TTC29: variants seen among roughly 807,000 people sequenced by gnomAD.
TTC29 encodes tetratricopeptide repeat domain 29, also known as tetratricopeptide repeat protein 29.
A neutral mutation model predicts 58.1 loss-of-function variants in TTC29; 49 were observed. The observed-to-expected ratio is 0.84, with a 90% CI of 0.67 to 1.07. The LOEUF (loss-of-function observed/expected upper bound fraction) is 1.07. TTC29 is among the 50% of genes least tolerant of loss of function. The probability of loss-of-function intolerance (pLI) is 0.00; values close to 1 mark genes in which losing one functional copy is unlikely to be tolerated. For synonymous variants in TTC29, 209 were observed against 196.8 expected, an observed-to-expected ratio of 1.06 and a Z score of -0.52; for missense variants, 582 against 555.6, an observed-to-expected ratio of 1.05 and a Z score of -0.48.
At chr4:146,754,852 G>T (rs575476538) in intron 11 of TTC29, among the ~76,000 whole-genome samples, 82 of 152,068 alleles carry the variant, frequency 5.4e-4, no homozygotes, top group African/African-American at 1.9e-3. Flanking sequence ...CAGGCAAGAT[G>T]CCCATTGTTA....
chr4:146,764,778 T>C lies in TTC29; in HGVS notation c.1330+38679A>G, dbSNP rs185199433. 1.7e-3 allele frequency among the ~76,000 whole-genome samples: 266 copies of C among 152,238 alleles called. 1 individual carries two copies. Among genetic ancestry groups the C allele is most frequent in the African/African-American group, 6.1e-3 (254 of 41,542 alleles). On this transcript the variant is annotated intron_variant, in intron 11 of 12. Transcript: ENST00000325106. ...AGTAAAGCAATGCTTGGAGACGTGG[T>C]GCTGAGGAACAGAAATGTACTGAAT...
chr4:146,805,362 G>T (rs954825155), intron 10 of TTC29, among the ~76,000 whole-genome samples: 13 of 151,906 alleles, frequency 8.6e-5, no homozygotes, highest in Non-Finnish European at 1.8e-4. Flanking sequence ...ACCAAAAAGG[G>T]AACAAAACTG....
At chr4:146,809,523 G>C (rs926808955) in intron 10 of TTC29, among the ~76,000 whole-genome samples, 1 of 148,936 alleles carries the variant, frequency 6.7e-6, no homozygotes, top group South Asian at 2.2e-4. Context: ...TCGACAAAGG[G>C]CTAAAATCCA....
intron 7 of TTC29, among the ~76,000 whole-genome samples, chr4:146,871,118 TAAG>T (rs927406792): frequency 6.6e-6 from 1 of 151,872 alleles, no homozygotes; most frequent in African/African-American, 2.4e-5. Context: ...CAGTAACATA[TAAG>T]AAGGATTATA....
At chr4:146,776,850 G>A (rs1049679478) in intron 11 of TTC29, among the ~76,000 whole-genome samples, 3 of 152,246 alleles carry the variant, frequency 2.0e-5, no homozygotes, top group African/African-American at 7.2e-5. Context: ...GCCGGGGCGA[G>A]TTGCCAGTGT....
intron 11 of TTC29, among the ~76,000 whole-genome samples, chr4:146,722,774 T>C (rs1276273444): frequency 1.3e-5 from 2 of 152,190 alleles, no homozygotes; most frequent in Non-Finnish European, 2.9e-5. Flanking sequence ...CTTGGCTCAC[T>C]GCAGCCTCTG....
rs114916938 is a variant in TTC29, at chr4:146,930,706, A to G, written c.176+6888T>C. On this transcript the variant is annotated intron_variant, in intron 4 of 12. Coordinates refer to ENST00000325106, the MANE Select transcript of TTC29 (RefSeq NM_031956.4). Reference sequence around the variant, plus strand: ...TGTTTTCTTAATACAGAAAGAAGACACTATCAAAGACAAAACTCAACATAA... The same window carrying G: ...TGTTTTCTTAATACAGAAAGAAGACGCTATCAAAGACAAAACTCAACATAA... Among the ~76,000 whole-genome samples the G allele has an allele frequency of 8.5e-3, 1,299 of 152,332 alleles. 17 individuals are homozygous for G. The highest frequency in any genetic ancestry group is 0.03 in the African/African-American group (1,248 of 41,568).
chr4:146,820,846 C>T (rs190138257), intron 9 of TTC29, among the ~76,000 whole-genome samples: 83 of 152,202 alleles, frequency 5.5e-4, no homozygotes, highest in African/African-American at 1.9e-3. Context: ...TCCTGGCTAA[C>T]ATGGTGAAAC....
intron 8 of TTC29, among the ~76,000 whole-genome samples, chr4:146,839,430 T>C (rs1035102374): frequency 2.0e-5 from 3 of 151,972 alleles, no homozygotes; most frequent in Non-Finnish European, 2.9e-5. Context: ...TATACAGGAA[T>C]CCAAATGTCA....
intron 11 of TTC29, among the ~76,000 whole-genome samples, chr4:146,753,072 G>C (rs905198363): frequency 6.6e-6 from 1 of 152,162 alleles, no homozygotes; most frequent in Non-Finnish European, 1.5e-5. Flanking sequence ...AAACTAAAGA[G>C]CTTCTGTACA....
At chr4:146,759,552 C>T (rs970345702) in intron 11 of TTC29, among the ~76,000 whole-genome samples, 7 of 152,008 alleles carry the variant, frequency 4.6e-5, no homozygotes, top group Non-Finnish European at 7.4e-5. Context: ...TATTTGCTAA[C>T]TGAATCCAAC....
At chr4:146,859,360 C>A (rs1730077704) in intron 8 of TTC29, among the ~76,000 whole-genome samples, 1 of 151,966 alleles carries the variant, frequency 6.6e-6, no homozygotes, top group African/African-American at 2.4e-5. Flanking sequence ...GTTCTCATTT[C>A]CTTCCCCTCT....
intron 5 of TTC29, among the ~76,000 whole-genome samples, chr4:146,906,850 G>A (rs563030397): frequency 9.0e-4 from 137 of 152,314 alleles, no homozygotes; most frequent in African/African-American, 3.2e-3. Flanking sequence ...GGCCAGGTGC[G>A]GTGGCTTACG....
intron 6 of TTC29, among the ~76,000 whole-genome samples, chr4:146,889,449 T>C (rs1002196345): frequency 2.6e-5 from 4 of 152,124 alleles, no homozygotes; most frequent in Non-Finnish European, 5.9e-5. Flanking sequence ...ATAATAAATC[T>C]CCCCATAATT....
At chr4:146,831,326 T>C (rs548595681) in intron 9 of TTC29, among the ~76,000 whole-genome samples, 4 of 152,304 alleles carry the variant, frequency 2.6e-5, no homozygotes, top group Admixed American at 2.0e-4. Flanking sequence ...CTCAAACTCT[T>C]GCACTCAAGT....
At chr4:146,822,143 A>G (rs1466871456) in intron 9 of TTC29, among the ~76,000 whole-genome samples, 2 of 150,840 alleles carry the variant, frequency 1.3e-5, no homozygotes, top group Non-Finnish European at 2.9e-5. Context: ...AAAGGGATAC[A>G]TGTGTAGAAC....
At chr4:146,752,925 G>A (rs1373759866) in intron 11 of TTC29, among the ~76,000 whole-genome samples, 2 of 152,120 alleles carry the variant, frequency 1.3e-5, no homozygotes, top group African/African-American at 4.8e-5. Context: ...AGACTTACAT[G>A]TCAGGCCTAA....
intron 6 of TTC29, among the ~76,000 whole-genome samples, chr4:146,894,615 G>T (rs1732635167): frequency 6.6e-6 from 1 of 151,830 alleles, no homozygotes; most frequent in African/African-American, 2.4e-5. Context: ...CACCAACATG[G>T]CACATGTATA....
At chr4:146,811,586 A>G (rs1162866058) in intron 10 of TTC29, among the ~76,000 whole-genome samples, 5 of 152,192 alleles carry the variant, frequency 3.3e-5, no homozygotes, top group South Asian at 2.1e-4. Context: ...AAACCCTTAC[A>G]TGGGAGAAAG....
Sources: allele counts gnomAD v4.1 joint callset (sites outside exome capture counted in the v4.1 genomes callset), GRCh38; gene constraint gnomAD v4.1.1; transcripts MANE v1.5; gene names NCBI Gene and HGNC (gene_info 2026-07-23, HGNC 2026-07-21).